The following SNX29 variants were observed in gnomAD, a reference collection of about 807,000 sequenced individuals.
SNX29 encodes sorting nexin-29.
Under a neutral mutation model 102.1 loss-of-function variants are expected in SNX29, and 78 were observed. The observed-to-expected ratio is 0.76, with a 90% CI of 0.64 to 0.92. The LOEUF is 0.92. Ranked by LOEUF, SNX29 falls within the 40% of genes least tolerant of loss-of-function variation. The pLI, the probability that SNX29 is intolerant of heterozygous loss-of-function variation, is 0.00. For synonymous variants in SNX29, 580 were observed against 414.5 expected, an observed-to-expected ratio of 1.40 and a Z score of -4.85; for missense variants, 1,280 against 1,061.7, an observed-to-expected ratio of 1.21 and a Z score of -2.86.
chr16:12,390,499 C>T lies in SNX29; in HGVS notation c.1900-7947C>T, dbSNP rs534270290. Among the ~76,000 whole-genome samples, 25 of 152,198 alleles carry T rather than the reference C, an allele frequency of 1.6e-4. No individual in the cohort carries two copies. In the South Asian group the frequency reaches 4.6e-3, roughly 28 times the overall value. ...GTATGCTCTGCAAGCCCCGGGACTT[C>T]CTCTCCCCCTGTCACCTGCAGAGAG... On this transcript the variant is annotated intron_variant, in intron 16 of 20. Transcript: ENST00000566228.
intron 14 of SNX29, among the ~76,000 whole-genome samples, chr16:12,258,757 T>C (rs2078647811): frequency 6.6e-6 from 1 of 152,050 alleles, no homozygotes; most frequent in African/African-American, 2.4e-5. Context: ...ACGTGGAACT[T>C]GTAAGGGTTT....
intron 10 of SNX29, 117 bp downstream of exon 10, chr16:12,069,249 C>G (rs1241490315): frequency 1.2e-6 from 1 of 821,636 alleles, no homozygotes; most frequent in Non-Finnish European, 1.9e-6. Context: ...CAAGGGTTTA[C>G]TTCACATTTA....
At chr16:12,497,362 G>C (rs890611240) in intron 19 of SNX29, among the ~76,000 whole-genome samples, 6 of 152,232 alleles carry the variant, frequency 3.9e-5, no homozygotes, top group African/African-American at 1.4e-4. Flanking sequence ...TGCCCTCAGA[G>C]AGTTCACAGT....
rs151240573 is a variant in SNX29 at position 12,035,174 on chromosome 16, A to G, written c.248-7723A>G. Among the ~76,000 whole-genome samples the G allele has an allele frequency of 1.4e-4, 21 of 151,344 alleles. No homozygotes were observed. The East Asian group carries it at 4.1e-3, about 29-fold the overall frequency. Reference sequence around the variant, plus strand: ...ATGCCCCTAAAAGGAAGTGAGATACAAGCTTTAGAAGTCCGTCTTAGAAAT... The same window carrying G: ...ATGCCCCTAAAAGGAAGTGAGATACGAGCTTTAGAAGTCCGTCTTAGAAAT... On this transcript the variant is annotated intron_variant, in intron 4 of 20. Transcript: ENST00000566228.
intron 18 of SNX29, among the ~76,000 whole-genome samples, chr16:12,441,089 C>CTTT (rs34125065): frequency 2.9e-5 from 3 of 102,694 alleles, no homozygotes; most frequent in East Asian, 2.6e-4. Flanking sequence ...TACTTCATTC[C>CTTT]TTTTTTTTTT....
At chr16:12,394,415 C>G (rs756101541) in intron 16 of SNX29, among the ~76,000 whole-genome samples, 5 of 152,208 alleles carry the variant, frequency 3.3e-5, no homozygotes, top group Non-Finnish European at 7.3e-5. Context: ...TACTTACTAC[C>G]TGAAGGACCT....
intron 20 of SNX29, chr16:12,561,099 T>G: frequency 4.4e-6 from 1 of 226,140 alleles, no homozygotes; most frequent in Non-Finnish European, 8.8e-6. Context: ...ACAGTGGAAT[T>G]AGATTTCACG....
At chr16:12,539,472 G>C (rs75644269) in intron 20 of SNX29, among the ~76,000 whole-genome samples, 7,317 of 152,240 alleles carry the variant, frequency 0.048, 210 homozygotes, top group Middle Eastern at 0.13. Flanking sequence ...GATATACCAC[G>C]GTTTATCTAG....
chr16:12,483,275 G>A (rs1029549500), intron 19 of SNX29, among the ~76,000 whole-genome samples: 1 of 149,960 alleles, frequency 6.7e-6, no homozygotes, highest in African/African-American at 2.5e-5. Flanking sequence ...TCCCAAAGTG[G>A]TGAGATTACA....
intron 17 of SNX29, among the ~76,000 whole-genome samples, chr16:12,399,715 G>A (rs1160470498): frequency 6.6e-6 from 1 of 152,148 alleles, no homozygotes; most frequent in East Asian, 1.9e-4. Context: ...TTCATGTTGG[G>A]GCAGCTGCTG....
chr16:12,241,366 T>C (rs940257219), intron 14 of SNX29, among the ~76,000 whole-genome samples: 1 of 152,172 alleles, frequency 6.6e-6, no homozygotes, highest in African/African-American at 2.4e-5. Context: ...TTAACAAAAG[T>C]TTTGTCTTGA....
intron 20 of SNX29, among the ~76,000 whole-genome samples, chr16:12,532,684 C>T (rs542374932): frequency 4.6e-5 from 7 of 152,228 alleles, no homozygotes; most frequent in South Asian, 4.1e-4. Flanking sequence ...ACAGAGGTTA[C>T]GAAGTCAGGG....
At chr16:12,422,909 G>A (rs1217679528) in intron 18 of SNX29, among the ~76,000 whole-genome samples, 1 of 152,192 alleles carries the variant, frequency 6.6e-6, no homozygotes, top group East Asian at 1.9e-4. Context: ...TTAAAGGTTG[G>A]ACTGGAAATG....
chr16:12,036,712 G>A (rs562436187), intron 4 of SNX29, among the ~76,000 whole-genome samples: 5 of 152,146 alleles, frequency 3.3e-5, no homozygotes, highest in African/African-American at 1.2e-4. Flanking sequence ...TCACATTGAT[G>A]AGACACCCCT....
At chr16:12,420,317 C>G (rs758336625) in intron 18 of SNX29, among the ~76,000 whole-genome samples, 12 of 152,188 alleles carry the variant, frequency 7.9e-5, no homozygotes, top group Non-Finnish European at 1.3e-4. Flanking sequence ...TTCACAGAAT[C>G]GAAGACACCG....
At chr16:12,238,501 T>C (rs1214675588) in intron 14 of SNX29, among the ~76,000 whole-genome samples, 2 of 152,168 alleles carry the variant, frequency 1.3e-5, no homozygotes, top group East Asian at 3.9e-4. Flanking sequence ...ATTTTTGTAT[T>C]TTTGTAGAGA....
chr16:12,219,116 C>T (rs912227247), intron 14 of SNX29, among the ~76,000 whole-genome samples: 1 of 152,212 alleles, frequency 6.6e-6, no homozygotes, highest in African/African-American at 2.4e-5. Flanking sequence ...TTGTAGTAAG[C>T]TGTCTCCTTA....
At chr16:12,215,774 G>A (rs1179925454) in intron 14 of SNX29, among the ~76,000 whole-genome samples, 1 of 152,162 alleles carries the variant, frequency 6.6e-6, no homozygotes, top group Non-Finnish European at 1.5e-5. Context: ...CTGTTTTGGG[G>A]AATGAATTCC....
chr16:12,356,324 C>T, intron 16 of SNX29, 45 bp downstream of exon 16: 1 of 1,516,788 alleles, frequency 6.6e-7, no homozygotes, highest in African/African-American at 1.4e-5. Flanking sequence ...CCTCTGCTGC[C>T]CACAGCCCAG....
Sources: gnomAD v4.1 joint callset for allele counts (sites outside exome capture counted in the v4.1 genomes callset) on GRCh38, gnomAD v4.1.1 for gene constraint, MANE v1.5 for transcripts, NCBI Gene and HGNC (gene_info 2026-07-23, HGNC 2026-07-21) for gene names.